METTL14: variants seen among roughly 807,000 people sequenced by gnomAD.
METTL14 encodes the protein methyltransferase 14, N6-adenosine-methyltransferase non-catalytic subunit.
In METTL14, 32 loss-of-function variants were observed where a neutral mutation model predicts 62.4. The ratio of observed to expected loss-of-function variants is 0.51; its 90% CI spans 0.39 to 0.69. The LOEUF is 0.69. Ranked by LOEUF, METTL14 falls within the 30% of genes least tolerant of loss-of-function variation. The pLI is 0.00. For missense variants in METTL14, 340 were observed against 551.9 expected (o/e 0.62, Z 3.85); for synonymous variants, 150 against 180.0 (o/e 0.83, Z 1.34).
intron 7 of METTL14, 88 bp downstream of exon 7, chr4:118,697,411 T>C (rs1214490766): frequency 1.5e-5 from 18 of 1,164,700 alleles, no homozygotes; most frequent in Non-Finnish European, 1.2e-6. Context: ...ATAAATATCA[T>C]CCCTACTTTT....
chr4:118,688,907 T>G lies in METTL14; in HGVS notation c.156-463T>G, dbSNP rs1388801373. Among the ~76,000 whole-genome samples the G allele has an allele frequency of 2.0e-5, 3 of 152,092 alleles. No homozygotes were observed. In the East Asian group the frequency reaches 5.8e-4, roughly 29 times the overall value. On this transcript the variant is annotated intron_variant, in intron 2 of 10. Coordinates refer to ENST00000388822, the MANE Select transcript of METTL14 (RefSeq NM_020961.4). ...CAGGCTGGTCTCGATCTCTTGACTT[T>G]TTGATCCGCCTGCCTTGGCCTCCCA...
chr4:118,714,596 AT>A lies in METTL14; in HGVS notation c.*4299del, dbSNP rs1725004391. On this transcript the variant is annotated 3_prime_UTR_variant, in exon 11 of 11. Coordinates refer to ENST00000388822, the MANE Select transcript of METTL14 (RefSeq NM_020961.4). ...ATACCACATGCATATTTTCTTTTTT[AT>A]TTTTATTTTTTGAGACAGAGTCTCT... is the stretch of plus-strand genomic sequence containing the variant. 6.6e-6 allele frequency: 1 copy of A among 152,082 alleles called. No homozygotes were observed. Among genetic ancestry groups the A allele is most frequent in the South Asian group, 2.1e-4 (1 of 4,830 alleles). 9.4% of individuals were successfully genotyped at this position (152,082 alleles called of 1,614,324 possible).
At chr4:118,697,142 T>C (rs762062985) in intron 6 of METTL14, 40 bp from the exon 7 acceptor site, 1 of 1,508,310 alleles carries the variant, frequency 6.6e-7, no homozygotes, top group South Asian at 1.3e-5. Context: ...TTAAAAAGCA[T>C]TTTTTTAAAA....
chr4:118,710,004 T>A lies in METTL14; in HGVS notation c.1073T>A (p.Leu358His). The A allele has an allele frequency of 6.3e-7, 1 of 1,594,536 alleles. No individual in the cohort carries two copies. The highest frequency in any genetic ancestry group is 2.2e-5 in the East Asian group (1 of 44,652). The change falls in exon 11 of 11, where the codon CTC becomes CAC. Residue 358 changes from leucine (L) to histidine (H), a missense_variant. This residue lies in a region of METTL14 where 62 missense variants were observed against 82.3 expected (regional missense o/e 0.75). Transcript: ENST00000388822. ...GRDSTIRPGW[L>H]TVGPTLTNSN... ...TTTTTTTCCTCCATTTCAGGCTGGC[T>A]CACAGTTGGACCAACGCTTACAAAT... is the stretch of plus-strand genomic sequence containing the variant.
chr4:118,694,659 C>T (rs1219896816), intron 6 of METTL14, 133 bp downstream of exon 6: 2 of 691,628 alleles, frequency 2.9e-6, no homozygotes, highest in Non-Finnish European at 2.4e-6. Flanking sequence ...TGTTTCTTCT[C>T]TCTGCCTTTT....
intron 10 of METTL14, among the ~76,000 whole-genome samples, chr4:118,707,513 A>G (rs1314760469): frequency 6.6e-6 from 1 of 151,682 alleles, no homozygotes; most frequent in Non-Finnish European, 1.5e-5. Flanking sequence ...AAAATACAAA[A>G]ATTAGCTGGG....
Position 118,688,103 on chromosome 4 carries a change from A to T in METTL14, c.155+92A>T, listed in dbSNP as rs983690152. The T allele has an allele frequency of 4.0e-6, 4 of 994,928 alleles. No homozygotes were observed. In the African/African-American group the frequency reaches 6.8e-5, roughly 17 times the overall value. 61.6% of individuals were successfully genotyped at this position (994,928 alleles called of 1,614,324 possible). On this transcript the variant is annotated intron_variant, in intron 2 of 10. Transcript: ENST00000388822. The stretch of plus-strand genomic sequence containing the variant: ...TAGGCTGGAGTACAGTAGCATGATT[A>T]TGGCTCACTGCAGCCTTGACTCCTG...
At chr4:118,701,173 G>GTTTTTTTTTTTTT (rs370557403) in intron 8 of METTL14, among the ~76,000 whole-genome samples, 1 of 114,108 alleles carries the variant, frequency 8.8e-6, no homozygotes, top group African/African-American at 2.9e-5. Context: ...TTTTATTGGA[G>GTTTTTTTTTTTTT]TTTTTTTTTG....
intron 5 of METTL14, among the ~76,000 whole-genome samples, chr4:118,693,461 G>T (rs59747638): frequency 1.9e-4 from 29 of 152,060 alleles, no homozygotes; most frequent in East Asian, 1.7e-3. Flanking sequence ...ATATTTTCTC[G>T]CATTCTGTGG....
chr4:118,700,744 G>T (rs565454515), intron 8 of METTL14, 102 bp downstream of exon 8: 3 of 731,136 alleles, frequency 4.1e-6, no homozygotes, highest in Admixed American at 2.9e-5. Context: ...TTTGTCCTTT[G>T]TTTCTTAAAT....
intron 5 of METTL14, among the ~76,000 whole-genome samples, chr4:118,692,702 C>T (rs183222228): frequency 3.1e-3 from 420 of 133,574 alleles, no homozygotes; most frequent in Non-Finnish European, 6.0e-3. Context: ...GTACAATTCA[C>T]TCAAAAGAGT....
intron 9 of METTL14, 84 bp from the exon 10 acceptor site, chr4:118,705,527 T>C (rs1484256641): frequency 9.4e-7 from 1 of 1,061,146 alleles, no homozygotes; most frequent in African/African-American, 1.6e-5. Context: ...AGGATTGTTT[T>C]AGAATTGAGG....
Position 118,702,216 on chromosome 4 carries a change from T to G in METTL14, c.738+1574T>G, listed in dbSNP as rs114052004. Among the ~76,000 whole-genome samples, 1,013 of 151,706 alleles carry G rather than the reference T, an allele frequency of 6.7e-3. 5 individuals are homozygous for G. Among genetic ancestry groups the G allele is most frequent in the Non-Finnish European group, 0.011 (770 of 67,886 alleles). ...CTCCCTGCAAAACTCTGCTTCCCAG[T>G]TGAAGCAGTTCTCCTGCTTCAGCCT... On this transcript the variant is annotated intron_variant, in intron 8 of 10. Transcript: ENST00000388822.
At chr4:118,700,886 A>T (rs954820799) in intron 8 of METTL14, among the ~76,000 whole-genome samples, 5 of 152,206 alleles carry the variant, frequency 3.3e-5, no homozygotes, top group Non-Finnish European at 5.9e-5. Flanking sequence ...AAGTACAGGA[A>T]GAGAACAGCT....
intron 2 of METTL14, among the ~76,000 whole-genome samples, chr4:118,688,723 G>A (rs1172959339): frequency 6.6e-6 from 1 of 152,140 alleles, no homozygotes; most frequent in African/African-American, 2.4e-5. Context: ...CACCAGGCTT[G>A]AGTGCAGTGG....
At chr4:118,686,420 G>C (rs1192458394) in intron 1 of METTL14, 1 of 354,016 alleles carries the variant, frequency 2.8e-6, no homozygotes, top group Non-Finnish European at 5.6e-6. Context: ...CTACTATTCA[G>C]ATCAGTAAAA....
chr4:118,700,551 T>C lies in METTL14; in HGVS notation c.647T>C (p.Ile216Thr). Residue 216 changes from isoleucine to threonine, a missense_variant and splice_region_variant, in exon 8 of 11, where the codon ATT becomes ACT. Around this residue, in one of 7 missense-constraint regions of METTL14, gnomAD observed 58 missense variants for 147.5 expected, o/e 0.39. Coordinates refer to ENST00000388822, the MANE Select transcript of METTL14 (RefSeq NM_020961.4). ...CAATATCGTTTTGATTTCTTACAGA[T>C]TATGAAGTTAGAAATTGATGAGATT... ...ANEKCWTWDD[I>T]MKLEIDEIAA... 6.2e-7 allele frequency: 1 copy of C among 1,610,016 alleles called. No individual in the cohort carries two copies. Among genetic ancestry groups the C allele is most frequent in the Non-Finnish European group, 8.5e-7 (1 of 1,177,018 alleles).
At chr4:118,688,626 A>G (rs1197429182) in intron 2 of METTL14, among the ~76,000 whole-genome samples, 1 of 152,164 alleles carries the variant, frequency 6.6e-6, no homozygotes, top group Non-Finnish European at 1.5e-5. Context: ...TACTTAGAAA[A>G]TGGAATGTTA....
At position 118,712,005 on chromosome 4, in the gene METTL14, A is replaced by G. The variant is rs772446642; in HGVS notation, c.*1703A>G. 3.3e-5 allele frequency: 5 copies of G among 152,216 alleles called. No individual in the cohort carries two copies. Among genetic ancestry groups the G allele is most frequent in the Non-Finnish European group, 7.3e-5 (5 of 68,034 alleles). The allele number at this position is 152,216 out of a possible 1,614,324, so 9.4% of individuals were successfully genotyped here. A position where few individuals can be genotyped will look rare whatever the true frequency, so the allele number is the denominator to read the frequency against. On this transcript the variant is annotated 3_prime_UTR_variant, in exon 11 of 11. Coordinates refer to ENST00000388822, the MANE Select transcript of METTL14 (RefSeq NM_020961.4). ...AATTTCATCTTAGAAAGAGGTAGGT[A>G]TGGCTGCTTTGTCGGTTGAAAGTTA...
Sources: allele counts gnomAD v4.1 joint callset (sites outside exome capture counted in the v4.1 genomes callset), GRCh38; gene constraint gnomAD v4.1.1; regional missense constraint gnomAD v4.1.1; transcripts MANE v1.5; gene names NCBI Gene and HGNC (gene_info 2026-07-23, HGNC 2026-07-21).